SPATA1: variants seen among roughly 807,000 people sequenced by gnomAD.
SPATA1 encodes spermatogenesis associated 1, also known as spermatogenesis-associated protein 1.
A neutral mutation model predicts 59.6 loss-of-function variants in SPATA1; 57 were observed. The ratio of observed to expected loss-of-function variants is 0.96; its 90% confidence interval spans 0.77 to 1.19. The LOEUF (loss-of-function observed/expected upper bound fraction) is 1.19. Ranked by LOEUF, SPATA1 falls within the 50% of genes most tolerant of loss-of-function variation. The pLI is 0.00. For synonymous variants in SPATA1, 147 were observed against 163.9 expected, an observed-to-expected ratio of 0.90 and a Z score of 0.79; for missense variants, 448 against 480.7, an observed-to-expected ratio of 0.93 and a Z score of 0.64.
intron 4 of SPATA1, among the ~76,000 whole-genome samples, chr1:84,560,097 A>AAAAAGAAAG (rs1553224318): frequency 1.7e-5 from 2 of 114,712 alleles, no homozygotes; most frequent in Non-Finnish European, 3.4e-5. Flanking sequence ...AAAAAAAAAA[A>AAAAAGAAAG]AAAGAAAGAA....
chr1:84,545,685 T>C, exon 10 of SPATA1: 1 of 1,536,856 alleles, frequency 6.5e-7, no homozygotes, highest in Non-Finnish European at 8.7e-7. Flanking sequence ...AGAAGGTATC[T>C]GGAAAGAAAT....
At chr1:84,555,151 T>C, downstream of SPATA1, 3 of 1,613,930 alleles carry the variant, frequency 1.9e-6, no homozygotes, top group Non-Finnish European at 2.5e-6. Context: ...TTTAAAGAAA[T>C]ACTCTGAGGG....
In SPATA1 at chr1:84,537,688, C is replaced by T. The variant is rs535323618; in HGVS notation, c.717+3922C>T. On this transcript the variant is annotated intron_variant, in intron 8 of 12. Coordinates refer to ENST00000490879, the Ensembl canonical transcript of SPATA1. ...TGACTACAATGGAGAAAGGGAGGTA[C>T]CCATACTTTTCAGGATTCATGGCAA... 5.3e-4 allele frequency among the ~76,000 whole-genome samples: 81 copies of T among 152,290 alleles called. No homozygotes were observed. The Middle Eastern group carries it at 0.014, about 26-fold the overall frequency.
At chr1:84,522,480 G>A in exon 4 of SPATA1, 2 of 1,537,130 alleles carry the variant, frequency 1.3e-6, no homozygotes, top group South Asian at 2.6e-5. Flanking sequence ...TTTTATTTCT[G>A]AAATGCATTG....
intron 1 of SPATA1, among the ~76,000 whole-genome samples, chr1:84,511,329 C>A (rs1682535728): frequency 6.6e-6 from 1 of 152,136 alleles, no homozygotes; most frequent in African/African-American, 2.4e-5. Flanking sequence ...TCTATAATTC[C>A]TTTTCCAACA....
chr1:84,526,104 G>T, intron 6 of SPATA1, 31 bp downstream of exon 6: 1 of 1,555,298 alleles, frequency 6.4e-7, no homozygotes, highest in Non-Finnish European at 8.8e-7. Flanking sequence ...GAAAAAGAAA[G>T]AGGCTATTAT....
downstream of SPATA1, among the ~76,000 whole-genome samples, chr1:84,556,840 T>C (rs17374941): frequency 0.18 from 27,484 of 152,184 alleles, 2,764 homozygotes; most frequent in South Asian, 0.3. Context: ...TATATTCCAT[T>C]CTTTAACATT....
At chr1:84,519,182 C>T (rs1201813453) in intron 2 of SPATA1, among the ~76,000 whole-genome samples, 1 of 151,938 alleles carries the variant, frequency 6.6e-6, no homozygotes, top group Non-Finnish European at 1.5e-5. Flanking sequence ...ACAGTGCCAT[C>T]TCTAATCATT....
At chr1:84,520,817 T>C (rs1682993234) in intron 3 of SPATA1, 126 bp downstream of exon 3, 1 of 668,828 alleles carries the variant, frequency 1.5e-6, no homozygotes, top group Admixed American at 3.1e-5. Context: ...TAGATCCATT[T>C]CCTGACTTAA....
intron 4 of SPATA1, chr1:84,563,849 GA>G: frequency 6.3e-7 from 1 of 1,592,986 alleles, no homozygotes; most frequent in Non-Finnish European, 8.5e-7. Flanking sequence ...AAGCAGGAGA[GA>G]AAAAGCATAT....
chr1:84,552,483 T>C (rs1351478993), intron 12 of SPATA1: 1 of 152,078 alleles, frequency 6.6e-6, no homozygotes, highest in Non-Finnish European at 1.5e-5. Flanking sequence ...CTTGAGCAAG[T>C]TACTTAGCCT....
chr1:84,537,158 G>A (rs1323027923), intron 8 of SPATA1, among the ~76,000 whole-genome samples: 6 of 151,974 alleles, frequency 3.9e-5, no homozygotes, highest in African/African-American at 9.7e-5. Flanking sequence ...AATTACAGGC[G>A]TGAGCCACCA....
intron 1 of SPATA1, among the ~76,000 whole-genome samples, chr1:84,508,556 TTA>T (rs576729361): frequency 8.5e-5 from 13 of 152,320 alleles, no homozygotes; most frequent in African/African-American, 2.2e-4. Flanking sequence ...ATCTGTCACT[TTA>T]TGTTTTGTCA....
chr1:84,547,274 T>A (rs1331007335), intron 10 of SPATA1, among the ~76,000 whole-genome samples: 1 of 152,200 alleles, frequency 6.6e-6, no homozygotes, highest in Non-Finnish European at 1.5e-5. Context: ...TTACTTCCCC[T>A]CTTTGTGCCT....
chr1:84,523,770 C>T (rs1267833044), intron 4 of SPATA1, among the ~76,000 whole-genome samples: 1 of 152,038 alleles, frequency 6.6e-6, no homozygotes, highest in Non-Finnish European at 1.5e-5. Context: ...ATCATTAAGT[C>T]AGCTTTCCTC....
At chr1:84,510,298 C>A (rs984870819) in intron 1 of SPATA1, among the ~76,000 whole-genome samples, 4 of 152,044 alleles carry the variant, frequency 2.6e-5, no homozygotes, top group African/African-American at 9.7e-5. Context: ...ATAAGGAGCT[C>A]AACTATATAG....
chr1:84,541,926 G>GT (rs1683919669), intron 8 of SPATA1, among the ~76,000 whole-genome samples: 1 of 151,324 alleles, frequency 6.6e-6, no homozygotes, highest in South Asian at 2.1e-4. Context: ...TGAAATGCAG[G>GT]TTTTTGAGTT....
At chr1:84,519,569 A>G (rs774930842) in intron 2 of SPATA1, among the ~76,000 whole-genome samples, 13 of 152,094 alleles carry the variant, frequency 8.5e-5, no homozygotes, top group Non-Finnish European at 1.5e-4. Flanking sequence ...GGTTTTGCAA[A>G]TATTTAATAG....
intron 12 of SPATA1, chr1:84,551,111 T>G: frequency 2.0e-6 from 2 of 985,238 alleles, no homozygotes; most frequent in Non-Finnish European, 2.4e-6. Flanking sequence ...ACTAATTACA[T>G]CATAGAAATT....
Sources: allele counts gnomAD v4.1 joint callset (sites outside exome capture counted in the v4.1 genomes callset), GRCh38; gene constraint gnomAD v4.1.1; transcripts MANE v1.5; gene names NCBI Gene and HGNC (gene_info 2026-07-23, HGNC 2026-07-21).